The following RALYL variants were observed in gnomAD, a reference collection of about 807,000 sequenced individuals.
RALYL encodes the protein RNA-binding Raly-like protein.
In RALYL, 29 loss-of-function variants were observed where a neutral mutation model predicts 35.1. The observed-to-expected ratio is 0.83, with a 90% CI of 0.61 to 1.13. The LOEUF (loss-of-function observed/expected upper bound fraction) is 1.13. Among genes scored for constraint, RALYL ranks in the 50% most tolerant of loss-of-function variants. RALYL has a pLI of 0.00. For synonymous variants in RALYL, 120 were observed against 127.6 expected, an observed-to-expected ratio of 0.94 and a Z score of 0.40; for missense variants, 359 against 360.4, an observed-to-expected ratio of 1.00 and a Z score of 0.03.
chr8:84,598,905 G>C (rs1294437012), intron 2 of RALYL, among the ~76,000 whole-genome samples: 1 of 151,984 alleles, frequency 6.6e-6, no homozygotes, highest in Non-Finnish European at 1.5e-5. Context: ...TTTCAATAGT[G>C]GTTCTCTCTC....
chr8:84,742,713 C>T (rs1301803755), intron 2 of RALYL, among the ~76,000 whole-genome samples: 1 of 151,956 alleles, frequency 6.6e-6, no homozygotes, highest in Non-Finnish European at 1.5e-5. Flanking sequence ...ATGGAACATC[C>T]CCCAAGGGGA....
chr8:84,537,249 C>T (rs1326324390), intron 2 of RALYL, among the ~76,000 whole-genome samples: 2 of 151,308 alleles, frequency 1.3e-5, no homozygotes, highest in East Asian at 1.9e-4. Context: ...ACAAGCTGAT[C>T]GCTTGAGCCC....
At chr8:84,803,454 T>C (rs778448251) in intron 3 of RALYL, among the ~76,000 whole-genome samples, 2 of 152,088 alleles carry the variant, frequency 1.3e-5, no homozygotes, top group Non-Finnish European at 2.9e-5. Context: ...AGATCACAAA[T>C]GTATGAGAAA....
At chr8:84,237,727 T>G (rs553958529) in intron 1 of RALYL, among the ~76,000 whole-genome samples, 14 of 152,304 alleles carry the variant, frequency 9.2e-5, no homozygotes, top group Admixed American at 5.9e-4. Flanking sequence ...TAAGTCTTTT[T>G]TAATCTGATG....
At chr8:84,656,287 G>T (rs908824201) in intron 2 of RALYL, among the ~76,000 whole-genome samples, 3 of 152,064 alleles carry the variant, frequency 2.0e-5, no homozygotes, top group African/African-American at 7.2e-5. Flanking sequence ...TATTATTGAG[G>T]TTCTCCTTTG....
intron 1 of RALYL, among the ~76,000 whole-genome samples, chr8:84,312,427 A>G (rs958965269): frequency 6.6e-6 from 1 of 152,152 alleles, no homozygotes; most frequent in Non-Finnish European, 1.5e-5. Flanking sequence ...CATTAACTCA[A>G]AAGTCCAAGT....
chr8:84,809,538 A>G (rs1490399431), intron 4 of RALYL, among the ~76,000 whole-genome samples: 1 of 152,130 alleles, frequency 6.6e-6, no homozygotes, highest in Non-Finnish European at 1.5e-5. Context: ...TATCTTGTGG[A>G]ATAGCATCAA....
intron 2 of RALYL, among the ~76,000 whole-genome samples, chr8:84,685,154 T>C (rs1340427493): frequency 1.3e-5 from 2 of 152,236 alleles, no homozygotes; most frequent in Admixed American, 1.3e-4. Flanking sequence ...GCTGGGGTTT[T>C]GACATGGGAA....
At chr8:84,267,538 T>C (rs1833560797) in intron 1 of RALYL, among the ~76,000 whole-genome samples, 1 of 152,230 alleles carries the variant, frequency 6.6e-6, no homozygotes, top group African/African-American at 2.4e-5. Context: ...ACTCAAATAA[T>C]GTTTACTAAA....
intron 1 of RALYL, among the ~76,000 whole-genome samples, chr8:84,333,589 G>T (rs1436629429): frequency 6.6e-6 from 1 of 151,976 alleles, no homozygotes; most frequent in Non-Finnish European, 1.5e-5. Flanking sequence ...TCTTTATCTG[G>T]CCGGGTCAAC....
At chr8:84,200,379 G>C (rs190500187) in intron 1 of RALYL, among the ~76,000 whole-genome samples, 16 of 152,088 alleles carry the variant, frequency 1.1e-4, no homozygotes, top group Admixed American at 9.2e-4. Context: ...TTAAAATAGA[G>C]TTTCACAAAT....
intron 8 of RALYL, among the ~76,000 whole-genome samples, chr8:84,902,012 C>A (rs1256318074): frequency 2.0e-5 from 3 of 152,118 alleles, no homozygotes; most frequent in Non-Finnish European, 2.9e-5. Flanking sequence ...CTTAATGAGG[C>A]TCACATAAAA....
intron 1 of RALYL, among the ~76,000 whole-genome samples, chr8:84,282,243 A>G (rs1384840629): frequency 6.6e-6 from 1 of 151,926 alleles, no homozygotes; most frequent in African/African-American, 2.4e-5. Context: ...GAAAAATTAT[A>G]ATTTTGTGTA....
intron 2 of RALYL, among the ~76,000 whole-genome samples, chr8:84,642,368 C>T (rs2131386286): frequency 6.7e-6 from 1 of 148,256 alleles, no homozygotes; most frequent in East Asian, 1.9e-4. Context: ...TTTTTTTAAA[C>T]TTGAGAAAAA....
At chr8:84,913,047 GATAGATAGA>G (rs1563856790) in intron 8 of RALYL, among the ~76,000 whole-genome samples, 19 of 150,108 alleles carry the variant, frequency 1.3e-4, no homozygotes, top group African/African-American at 4.2e-4. Flanking sequence ...TAGGTAGATA[GATAGATAGA>G]TAGATAGATA....
chr8:84,218,794 C>G (rs73297874), intron 1 of RALYL, among the ~76,000 whole-genome samples: 1 of 151,986 alleles, frequency 6.6e-6, no homozygotes, highest in African/African-American at 2.4e-5. Context: ...TATGATAACC[C>G]TTTAAAAAAT....
At chr8:84,874,118 G>A (rs912461702) in intron 7 of RALYL, among the ~76,000 whole-genome samples, 1 of 152,096 alleles carries the variant, frequency 6.6e-6, no homozygotes, top group African/African-American at 2.4e-5. Context: ...AAGCCTCCTT[G>A]GAGTTAAGAT....
At chr8:84,681,059 T>G (rs909738383) in intron 2 of RALYL, among the ~76,000 whole-genome samples, 7 of 151,234 alleles carry the variant, frequency 4.6e-5, no homozygotes, top group Non-Finnish European at 8.8e-5. Flanking sequence ...AGTTTCAGCT[T>G]TCTACATATG....
intron 2 of RALYL, among the ~76,000 whole-genome samples, chr8:84,684,881 T>G (rs1479404437): frequency 6.6e-6 from 1 of 152,154 alleles, no homozygotes; most frequent in Non-Finnish European, 1.5e-5. Flanking sequence ...AGCAATTTAT[T>G]TTTTGCACAG....
Sources: gnomAD v4.1 joint callset for allele counts (sites outside exome capture counted in the v4.1 genomes callset) on GRCh38, gnomAD v4.1.1 for gene constraint, MANE v1.5 for transcripts, NCBI Gene and HGNC (gene_info 2026-07-23, HGNC 2026-07-21) for gene names.